Variants in RANBP2 observed in about 807,000 individuals in gnomAD.
The protein encoded by RANBP2 is E3 SUMO-protein ligase RanBP2.
Under a neutral mutation model 303.6 loss-of-function variants are expected in RANBP2, and 57 were observed. The observed-to-expected ratio is 0.19, with a 90% CI of 0.15 to 0.23. The LOEUF (loss-of-function observed/expected upper bound fraction) is 0.23. RANBP2 is among the 10% of genes least tolerant of loss of function. The pLI, the probability that RANBP2 is intolerant of heterozygous loss-of-function variation, is 1.00. For synonymous variants in RANBP2, 1,167 were observed against 1,301.5 expected (o/e 0.90, Z 2.23); for missense variants, 3,138 against 3,780.8 (o/e 0.83, Z 4.46).
chr2:109,552,431 C>T, the RANBP2 span: 1 of 152,220 alleles, frequency 6.6e-6, no homozygotes, highest in Admixed American at 6.5e-5. Flanking sequence ...GGTTAAGATA[C>T]TTCTTAGTAA....
At chr2:109,549,258 T>C in the RANBP2 span, among the ~76,000 whole-genome samples, 1 of 152,206 alleles carries the variant, frequency 6.6e-6, no homozygotes, top group Middle Eastern at 3.2e-3. Flanking sequence ...GGCAGGTTTC[T>C]ATCACATGAC....
At chr2:109,020,281 A>G in the RANBP2 span, among the ~76,000 whole-genome samples, 7 of 152,198 alleles carry the variant, frequency 4.6e-5, no homozygotes, top group Non-Finnish European at 1.0e-4. Flanking sequence ...AAGACTGGCC[A>G]TTAAAGGGAG....
chr2:108,796,428 T>C, the RANBP2 span, among the ~76,000 whole-genome samples: 1 of 152,088 alleles, frequency 6.6e-6, no homozygotes, highest in East Asian at 1.9e-4. Context: ...ACTTTGGAGG[T>C]TCCTTAAACT....
At chr2:108,732,490 C>T (rs976699141) in intron 4 of RANBP2, among the ~76,000 whole-genome samples, 5 of 152,146 alleles carry the variant, frequency 3.3e-5, no homozygotes, top group African/African-American at 1.2e-4. Context: ...ATCTGAAATA[C>T]TTCTGGTCTC....
rs2149284695 is a variant in RANBP2, at chr2:108,768,071, C to T, written c.7532C>T (p.Pro2511Leu). The change falls in exon 20 of 29, where the codon CCT (proline) becomes CTT (leucine). Residue 2511 changes from proline (P) to leucine (L), a missense_variant. Transcript: ENST00000283195. ...SETTPKAVVS[P>L]PKFVFGSESV... is the part of the protein sequence containing the mutation. ...ACAACACCAAAAGCAGTGGTTTCTC[C>T]TCCAAAGTTTGTATTTGGTTCAGAG... is the stretch of plus-strand genomic sequence containing the variant. The T allele has an allele frequency of 6.2e-7, 1 of 1,612,022 alleles. No homozygotes were observed.
chr2:108,980,712 C>T, the RANBP2 span, among the ~76,000 whole-genome samples: 1 of 152,082 alleles, frequency 6.6e-6, no homozygotes, highest in Admixed American at 6.5e-5. Flanking sequence ...GACACACAGA[C>T]ATCTTGGGCC....
the RANBP2 span, among the ~76,000 whole-genome samples, chr2:109,662,499 T>A: frequency 6.6e-6 from 1 of 151,768 alleles, no homozygotes; most frequent in Non-Finnish European, 1.5e-5. Context: ...TTTGTATATT[T>A]AGTAGTAGAT....
the RANBP2 span, among the ~76,000 whole-genome samples, chr2:109,358,724 T>A: frequency 3.3e-5 from 5 of 152,224 alleles, no homozygotes; most frequent in African/African-American, 1.2e-4. Context: ...TTTCTCCCAG[T>A]CTGTAGCGTG....
the RANBP2 span, among the ~76,000 whole-genome samples, chr2:109,028,210 G>T: frequency 8.6e-3 from 1,309 of 152,338 alleles, 18 homozygotes; most frequent in African/African-American, 0.03. Flanking sequence ...CGTTGAGGCT[G>T]CAGTGAGCCA....
At chr2:109,541,799 C>A in the RANBP2 span, among the ~76,000 whole-genome samples, 63 of 152,316 alleles carry the variant, frequency 4.1e-4, no homozygotes, top group Admixed American at 7.2e-4. Flanking sequence ...GAGGCAGACA[C>A]CCTTTTGAGA....
chr2:109,054,409 AAG>A, the RANBP2 span, among the ~76,000 whole-genome samples: 1 of 152,104 alleles, frequency 6.6e-6, no homozygotes, highest in Non-Finnish European at 1.5e-5. Flanking sequence ...CACAGATCTT[AAG>A]AGTTTGGTGA....
At chr2:109,390,118 C>T in the RANBP2 span, among the ~76,000 whole-genome samples, 16 of 152,308 alleles carry the variant, frequency 1.1e-4, no homozygotes, top group South Asian at 6.2e-4. Context: ...GGAGGCCATG[C>T]GGGTCCCCAC....
At chr2:109,309,503 A>T in the RANBP2 span, among the ~76,000 whole-genome samples, 1 of 129,310 alleles carries the variant, frequency 7.7e-6, no homozygotes, top group Non-Finnish European at 1.6e-5. Context: ...ACATAACAAT[A>T]TTAACTTTAA....
the RANBP2 span, among the ~76,000 whole-genome samples, chr2:108,929,545 C>G: frequency 6.6e-6 from 1 of 152,214 alleles, no homozygotes; most frequent in South Asian, 2.1e-4. Context: ...CAGGAACCAG[C>G]TCATGCTCTG....
the RANBP2 span, among the ~76,000 whole-genome samples, chr2:108,858,323 G>A: frequency 1.9e-4 from 29 of 152,250 alleles, no homozygotes; most frequent in Non-Finnish European, 3.8e-4. Context: ...CAGCCTGGGT[G>A]CCAGAGTAAG....
At chr2:109,070,448 T>C in the RANBP2 span, among the ~76,000 whole-genome samples, 1 of 151,972 alleles carries the variant, frequency 6.6e-6, no homozygotes, top group Non-Finnish European at 1.5e-5. Flanking sequence ...GTGTTGGAGG[T>C]GGGGTCTGGT....
the RANBP2 span, chr2:108,882,922 C>T: frequency 6.6e-6 from 1 of 151,660 alleles, no homozygotes; most frequent in Non-Finnish European, 1.5e-5. Flanking sequence ...ACCTTGTCTT[C>T]TTTATATAGG....
chr2:108,995,402 T>C, the RANBP2 span, among the ~76,000 whole-genome samples: 1 of 152,236 alleles, frequency 6.6e-6, no homozygotes, highest in Non-Finnish European at 1.5e-5. Flanking sequence ...CAAGGGCTAA[T>C]GTGTTCTTGC....
At chr2:109,588,500 A>T in the RANBP2 span, among the ~76,000 whole-genome samples, 1 of 152,080 alleles carries the variant, frequency 6.6e-6, no homozygotes, top group Admixed American at 6.6e-5. Context: ...TTATATATAC[A>T]AATTTTTTTT....
Sources: gnomAD v4.1 joint callset for allele counts (sites outside exome capture counted in the v4.1 genomes callset) on GRCh38, gnomAD v4.1.1 for gene constraint, MANE v1.5 for transcripts, NCBI Gene and HGNC (gene_info 2026-07-23, HGNC 2026-07-21) for gene names.